The following SLC7A2 variants were observed in gnomAD, a reference collection of about 807,000 sequenced individuals.
The protein encoded by SLC7A2 is cationic amino acid transporter 2.
A neutral mutation model predicts 58.9 loss-of-function variants in SLC7A2; 48 were observed. The ratio of observed to expected loss-of-function variants is 0.82; its 90% CI spans 0.65 to 1.04. SLC7A2 has a LOEUF of 1.04. Ranked by LOEUF, SLC7A2 falls within the 50% of genes least tolerant of loss-of-function variation. The pLI is 0.00. For synonymous variants in SLC7A2, 363 were observed against 314.5 expected (o/e 1.15, Z -1.63); for missense variants, 1,029 against 818.8 (o/e 1.26, Z -3.13).
intron 2 of SLC7A2, among the ~76,000 whole-genome samples, chr8:17,520,427 G>C (rs1281998713): frequency 6.6e-6 from 1 of 151,828 alleles, no homozygotes; most frequent in Non-Finnish European, 1.5e-5. Context: ...GATCACCCGA[G>C]GTTGGGAATT....
chr8:17,513,318 T>A (rs1800678440), intron 2 of SLC7A2, among the ~76,000 whole-genome samples: 2 of 152,172 alleles, frequency 1.3e-5, no homozygotes, highest in Non-Finnish European at 2.9e-5. Context: ...ACATGTTATT[T>A]TCTGGGTTTT....
chr8:17,494,091 T>C (rs1799907263), upstream of SLC7A2, among the ~76,000 whole-genome samples: 1 of 152,128 alleles, frequency 6.6e-6, no homozygotes, highest in Admixed American at 6.5e-5. Flanking sequence ...TATCCAACCA[T>C]CTGAAAAAAA....
chr8:17,561,054 G>A (rs1427771849), intron 10 of SLC7A2, among the ~76,000 whole-genome samples: 1 of 152,222 alleles, frequency 6.6e-6, no homozygotes, highest in Non-Finnish European at 1.5e-5. Flanking sequence ...TTGGTGGCAA[G>A]TAGGGAAGCA....
chr8:17,544,584 G>A lies in SLC7A2; in HGVS notation c.510G>A (p.Val170=), dbSNP rs181616138. ...GLAEYPDFFA[V]CLILLLAGLL... is the part of the protein sequence containing the mutation. ...CAGAATATCCCGATTTTTTTGCTGT[G>A]TGCCTTATATTACTTCTAGCAGGTA... Residue 170 remains valine, a synonymous_variant, in exon 4 of 13, where the codon GTG becomes GTA. Transcript: ENST00000494857. The A allele has an allele frequency of 6.2e-7, 1 of 1,613,920 alleles. No homozygotes were observed. The highest frequency in any genetic ancestry group is 1.3e-5 in the African/African-American group (1 of 75,008).
At chr8:17,540,289 G>C (rs953182219) in intron 2 of SLC7A2, among the ~76,000 whole-genome samples, 2 of 152,144 alleles carry the variant, frequency 1.3e-5, no homozygotes, top group East Asian at 1.9e-4. Flanking sequence ...GCTGTGCGTA[G>C]TTGAGATTGT....
At chr8:17,514,230 T>C (rs760349149) in intron 2 of SLC7A2, among the ~76,000 whole-genome samples, 8 of 151,708 alleles carry the variant, frequency 5.3e-5, no homozygotes, top group Non-Finnish European at 7.4e-5. Context: ...AAAGGGGTGG[T>C]GGCAAACTGT....
intron 2 of SLC7A2, among the ~76,000 whole-genome samples, chr8:17,542,962 C>T (rs1005139444): frequency 6.6e-6 from 1 of 152,012 alleles, no homozygotes; most frequent in Admixed American, 6.6e-5. Context: ...ATCCTGTTTC[C>T]AAACAAAAAC....
chr8:17,534,073 G>A (rs1801564547), intron 2 of SLC7A2, among the ~76,000 whole-genome samples: 1 of 152,134 alleles, frequency 6.6e-6, no homozygotes, highest in Admixed American at 6.5e-5. Flanking sequence ...CTTCATCCAT[G>A]TCCCTGCAAA....
chr8:17,502,458 T>C (rs1457925644), intron 2 of SLC7A2, among the ~76,000 whole-genome samples, 156 bp downstream of exon 2: 1 of 152,202 alleles, frequency 6.6e-6, no homozygotes, highest in Admixed American at 6.5e-5. Context: ...TGTCCTACCA[T>C]TGGCCTAGTA....
intron 2 of SLC7A2, among the ~76,000 whole-genome samples, chr8:17,504,837 T>C (rs1259027697): frequency 6.6e-6 from 1 of 152,146 alleles, no homozygotes; most frequent in East Asian, 1.9e-4. Context: ...AAAGAAAAGA[T>C]TGCGTGACTT....
intron 7 of SLC7A2, 145 bp downstream of exon 7, chr8:17,552,131 G>C (rs1802484928): frequency 1.5e-6 from 1 of 648,882 alleles, no homozygotes; most frequent in Non-Finnish European, 2.7e-6. Flanking sequence ...GGCTTGCTCA[G>C]AATTTCCACA....
chr8:17,555,382 G>A (rs10503597), intron 8 of SLC7A2, among the ~76,000 whole-genome samples: 17,676 of 151,900 alleles, frequency 0.12, 1,411 homozygotes, highest in Non-Finnish European at 0.18. Flanking sequence ...ATTATGAATT[G>A]CTTTTCTGAT....
At chr8:17,508,021 A>G (rs1215401462) in intron 2 of SLC7A2, among the ~76,000 whole-genome samples, 2 of 152,128 alleles carry the variant, frequency 1.3e-5, no homozygotes, top group African/African-American at 4.8e-5. Flanking sequence ...TAAAGTCATT[A>G]GGGTTTCAAC....
upstream of SLC7A2, among the ~76,000 whole-genome samples, chr8:17,494,215 T>A (rs1799909015): frequency 6.6e-6 from 1 of 152,170 alleles, no homozygotes; most frequent in Admixed American, 6.5e-5. Flanking sequence ...AATCCCTTAT[T>A]TGTGGACATG....
chr8:17,517,472 G>C (rs896865920), intron 2 of SLC7A2, among the ~76,000 whole-genome samples: 1 of 152,102 alleles, frequency 6.6e-6, no homozygotes, highest in African/African-American at 2.4e-5. Context: ...TACATGTTTT[G>C]GTGAAGGCCG....
In SLC7A2 at chr8:17,560,468, T is replaced by G; in HGVS notation, c.1439T>G (p.Phe480Cys). 2 of 1,614,042 alleles carry G rather than the reference T, an allele frequency of 1.2e-6. No individual in the cohort carries two copies. Among genetic ancestry groups the G allele is most frequent in the Non-Finnish European group, 1.7e-6 (2 of 1,179,928 alleles). ...QRQGFSMRTL[F>C]CPSLLPTQQS... The stretch of plus-strand genomic sequence containing the variant: ...CAGGGCTTCAGCATGCGGACCCTCT[T>G]CTGCCCCTCCCTTCTGCCAACACAG... The change falls in exon 10 of 13, where the codon TTC becomes TGC. Residue 480 changes from phenylalanine (F) to cysteine (C), a missense_variant. Transcript: ENST00000494857.
chr8:17,557,793 A>T (rs927910246), intron 8 of SLC7A2, among the ~76,000 whole-genome samples: 1 of 152,136 alleles, frequency 6.6e-6, no homozygotes, highest in African/African-American at 2.4e-5. Flanking sequence ...GCACCACTGC[A>T]CTCCACCCTG....
intron 2 of SLC7A2, among the ~76,000 whole-genome samples, chr8:17,540,324 C>T (rs1172248022): frequency 1.8e-4 from 28 of 152,080 alleles, no homozygotes; most frequent in Admixed American, 1.8e-3. Flanking sequence ...GAGTAACCTG[C>T]CAGTTCTGAG....
Position 17,529,951 on chromosome 8 carries a change from A to G in SLC7A2, c.-22-13367A>G, listed in dbSNP as rs151221924. Among the ~76,000 whole-genome samples the G allele has an allele frequency of 4.4e-3, 663 of 152,294 alleles. 5 individuals carry two copies. Among genetic ancestry groups the G allele is most frequent in the Non-Finnish European group, 6.7e-3 (456 of 68,018 alleles). On this transcript the variant is annotated intron_variant, in intron 2 of 12. Transcript: ENST00000494857. ...TTGCTGTTTTGCCATTAAAAGCAGT[A>G]GCAAAAACTACGATTACTTTTGCAC...
Sources: allele counts gnomAD v4.1 joint callset (sites outside exome capture counted in the v4.1 genomes callset), GRCh38; gene constraint gnomAD v4.1.1; transcripts MANE v1.5; gene names NCBI Gene and HGNC (gene_info 2026-07-23, HGNC 2026-07-21).